The following ZFHX3 variants were observed in gnomAD, a reference collection of about 807,000 sequenced individuals.
ZFHX3 encodes zinc finger homeobox protein 3.
Under a neutral mutation model 279.1 loss-of-function variants are expected in ZFHX3, and 42 were observed. The observed-to-expected ratio is 0.15, with a 90% CI of 0.12 to 0.19. The LOEUF (loss-of-function observed/expected upper bound fraction) is 0.19. ZFHX3 is among the 10% of genes least tolerant of loss of function. The pLI, the probability that ZFHX3 is intolerant of heterozygous loss-of-function variation, is 1.00. For synonymous variants in ZFHX3, 2,293 were observed against 1,957.8 expected (o/e 1.17, Z -4.52); for missense variants, 4,981 against 4,754.0 (o/e 1.05, Z -1.40).
chr16:73,441,254 A>G (rs1344083594), intron 3 of ZFHX3, among the ~76,000 whole-genome samples: 5 of 152,198 alleles, frequency 3.3e-5, no homozygotes, highest in African/African-American at 1.2e-4. Flanking sequence ...AGAGGGAGAG[A>G]GAGATGCTGT....
chr16:73,082,413 G>A (rs1006087905), intron 8 of ZFHX3, among the ~76,000 whole-genome samples: 11 of 151,812 alleles, frequency 7.2e-5, no homozygotes, highest in East Asian at 1.9e-4. Context: ...GACTACAGGC[G>A]CCCGCTACCA....
intron 2 of ZFHX3, among the ~76,000 whole-genome samples, chr16:73,606,695 C>T (rs1438190243): frequency 1.3e-5 from 2 of 152,170 alleles, no homozygotes; most frequent in Non-Finnish European, 2.9e-5. Flanking sequence ...TTACGCCCAG[C>T]ATGCATTAGC....
chr16:73,299,976 G>T (rs967606467), intron 4 of ZFHX3, among the ~76,000 whole-genome samples: 1 of 152,124 alleles, frequency 6.6e-6, no homozygotes, highest in African/African-American at 2.4e-5. Context: ...ACTTTATTTT[G>T]ACTGTGATGG....
At chr16:72,900,507 G>A (rs961394405) in intron 3 of ZFHX3, among the ~76,000 whole-genome samples, 8 of 152,178 alleles carry the variant, frequency 5.3e-5, no homozygotes, top group Admixed American at 3.9e-4. Context: ...AAAATCCTTC[G>A]GAACATGTGA....
At chr16:73,302,887 G>T (rs951739733) in intron 4 of ZFHX3, among the ~76,000 whole-genome samples, 1 of 152,180 alleles carries the variant, frequency 6.6e-6, no homozygotes, top group African/African-American at 2.4e-5. Flanking sequence ...CAATGCCTTG[G>T]ACTATTTGCT....
At chr16:72,947,508 G>C (rs1960745851) in intron 3 of ZFHX3, among the ~76,000 whole-genome samples, 2 of 152,150 alleles carry the variant, frequency 1.3e-5, no homozygotes, top group Non-Finnish European at 2.9e-5. Flanking sequence ...GCCACTGCTT[G>C]AATCTCCTGA....
intron 2 of ZFHX3, among the ~76,000 whole-genome samples, chr16:73,632,972 GGGA>G (rs2052491399): frequency 6.6e-6 from 1 of 151,670 alleles, no homozygotes; most frequent in East Asian, 2.0e-4. Flanking sequence ...CCAGCTACTC[GGGA>G]GGCTGAGGCA....
intron 1 of ZFHX3, among the ~76,000 whole-genome samples, chr16:73,878,421 CAG>C (rs1302265437): frequency 1.3e-5 from 2 of 152,088 alleles, no homozygotes; most frequent in Admixed American, 6.6e-5. Flanking sequence ...ATCTTTGACA[CAG>C]AGTAAAACTT....
chr16:73,812,943 G>A (rs1239192666), intron 1 of ZFHX3, among the ~76,000 whole-genome samples: 1 of 152,094 alleles, frequency 6.6e-6, no homozygotes, highest in Non-Finnish European at 1.5e-5. Context: ...TCTCACTAGG[G>A]CACCACATGA....
chr16:72,961,630 T>A (rs1961583546), intron 1 of ZFHX3, among the ~76,000 whole-genome samples: 1 of 55,606 alleles, frequency 1.8e-5, no homozygotes, highest in Non-Finnish European at 4.9e-5. Flanking sequence ...CTTCTCAATC[T>A]TTTTTTTTTT....
intron 1 of ZFHX3, among the ~76,000 whole-genome samples, chr16:73,833,419 C>G (rs115809039): frequency 0.018 from 2,778 of 152,250 alleles, 95 homozygotes; most frequent in African/African-American, 0.063. Flanking sequence ...ATATAAAGCA[C>G]AGTTCCTGTC....
Position 72,811,987 on chromosome 16 carries a change from T to G in ZFHX3, c.3581A>C (p.Lys1194Thr). 1 of 1,614,150 alleles carries G rather than the reference T, an allele frequency of 6.2e-7. No homozygotes were observed. Among genetic ancestry groups the G allele is most frequent in the Non-Finnish European group, 8.5e-7 (1 of 1,180,016 alleles). The change falls in exon 6 of 10, where the codon AAA becomes ACA. Residue 1194 changes from lysine to threonine, a missense_variant. By Grantham distance (78) the Lys-to-Thr change is moderately conservative. Around this residue, in one of 7 missense-constraint regions of ZFHX3, gnomAD observed 1,751 missense variants for 1,770.0 expected, o/e 0.99. Coordinates refer to ENST00000268489, the MANE Select transcript of ZFHX3 (RefSeq NM_006885.4). Reference protein sequence around the residue: ...KELTDSPATSKRISFPGSSES... With the variant: ...KELTDSPATSTRISFPGSSES... ...TGAGCTACCTGGGAAGGAGATGCGT[T>G]TGGAGGTTGCAGGAGAATCTGTCAG...
intron 1 of ZFHX3, among the ~76,000 whole-genome samples, chr16:73,733,789 T>A (rs574825490): frequency 2.6e-5 from 4 of 152,312 alleles, no homozygotes; most frequent in South Asian, 4.1e-4. Flanking sequence ...TGAAGGGCAA[T>A]TATTTGAAAA....
intron 2 of ZFHX3, among the ~76,000 whole-genome samples, chr16:73,638,331 T>C (rs890802696): frequency 2.6e-5 from 4 of 152,200 alleles, no homozygotes; most frequent in Non-Finnish European, 5.9e-5. Context: ...TCTTATTGCT[T>C]TGTACAGAAT....
At chr16:73,416,093 G>T (rs542896158) in intron 3 of ZFHX3, among the ~76,000 whole-genome samples, 3 of 142,012 alleles carry the variant, frequency 2.1e-5, no homozygotes, top group African/African-American at 8.1e-5. Context: ...TTGCACTCCA[G>T]CCTGGACAAC....
intron 5 of ZFHX3, among the ~76,000 whole-genome samples, chr16:73,162,544 C>T (rs1309046629): frequency 1.3e-5 from 2 of 152,222 alleles, no homozygotes; most frequent in Non-Finnish European, 2.9e-5. Context: ...TGATGGTGAG[C>T]TGTAGAATTA....
intron 1 of ZFHX3, among the ~76,000 whole-genome samples, chr16:73,731,448 C>T (rs1183164065): frequency 6.7e-6 from 1 of 149,316 alleles, no homozygotes. Flanking sequence ...GCTCAATTGG[C>T]GCTGACATAA....
intron 5 of ZFHX3, among the ~76,000 whole-genome samples, chr16:73,166,803 T>C (rs560298827): frequency 6.6e-6 from 1 of 152,338 alleles, no homozygotes; most frequent in African/African-American, 2.4e-5. Flanking sequence ...AAATTTGTTA[T>C]TACGTTGCTT....
chr16:73,417,981 T>C (rs1394025052), intron 3 of ZFHX3, among the ~76,000 whole-genome samples: 7 of 80,546 alleles, frequency 8.7e-5, no homozygotes, highest in African/African-American at 3.0e-4. Context: ...AGAGCGAGAC[T>C]CCATCTCAAA....
Sources: allele counts gnomAD v4.1 joint callset (sites outside exome capture counted in the v4.1 genomes callset), GRCh38; gene constraint gnomAD v4.1.1; regional missense constraint gnomAD v4.1.1; transcripts MANE v1.5; gene names NCBI Gene and HGNC (gene_info 2026-07-23, HGNC 2026-07-21).